The following GALNT17 variants were observed in gnomAD, a reference collection of about 807,000 sequenced individuals.
GALNT17 encodes the protein polypeptide N-acetylgalactosaminyltransferase 17.
A neutral mutation model predicts 63.7 loss-of-function variants in GALNT17; 29 were observed. The observed-to-expected ratio is 0.46, with a 90% CI of 0.34 to 0.62. The LOEUF is 0.62. Ranked by LOEUF, GALNT17 falls within the 20% of genes least tolerant of loss-of-function variation. GALNT17 has a pLI of 0.01. For synonymous variants in GALNT17, 305 were observed against 318.3 expected (o/e 0.96, Z 0.45); for missense variants, 603 against 799.6 (o/e 0.75, Z 2.97).
At chr7:71,545,406 G>A (rs11764360) in intron 5 of GALNT17, among the ~76,000 whole-genome samples, 1 of 152,190 alleles carries the variant, frequency 6.6e-6, no homozygotes, top group East Asian at 1.9e-4. Flanking sequence ...AGGCTGGAGT[G>A]CAATGGCATG....
chr7:71,373,833 C>T lies in GALNT17; in HGVS notation c.423-14402C>T, dbSNP rs144655705. ...CCCTGCTGCCAAAAATGTTGGGGGC[C>T]GTTGCTCTATACTGTCTCCCAATGA... On this transcript the variant is annotated intron_variant, in intron 2 of 10. Coordinates refer to ENST00000333538, the MANE Select transcript of GALNT17 (RefSeq NM_022479.3). Among the ~76,000 whole-genome samples the T allele has an allele frequency of 9.9e-4, 151 of 152,212 alleles. 1 individual carries two copies. Among genetic ancestry groups the T allele is most frequent in the African/African-American group, 3.5e-3 (147 of 41,536 alleles).
intron 5 of GALNT17, among the ~76,000 whole-genome samples, chr7:71,471,353 C>T (rs1225908921): frequency 2.8e-5 from 4 of 141,724 alleles, no homozygotes; most frequent in Non-Finnish European, 6.0e-5. Context: ...GCTGAGATTA[C>T]AGGCAGGAGC....
intron 6 of GALNT17, among the ~76,000 whole-genome samples, chr7:71,577,636 A>C (rs1271310095): frequency 1.3e-5 from 2 of 152,152 alleles, no homozygotes; most frequent in African/African-American, 4.8e-5. Flanking sequence ...TCAGACTCTG[A>C]GTCCGTGTTG....
intron 6 of GALNT17, among the ~76,000 whole-genome samples, chr7:71,635,647 G>A (rs944724493): frequency 2.0e-5 from 3 of 152,168 alleles, no homozygotes; most frequent in Non-Finnish European, 2.9e-5. Flanking sequence ...AATTCAGGGC[G>A]AGTCCATAGA....
intron 5 of GALNT17, among the ~76,000 whole-genome samples, chr7:71,512,999 A>G (rs750052746): frequency 3.3e-5 from 5 of 152,220 alleles, no homozygotes; most frequent in Non-Finnish European, 7.3e-5. Flanking sequence ...TTTCTGTGCA[A>G]TTAAAACACA....
chr7:71,146,940 C>G (rs1443899786), intron 1 of GALNT17, among the ~76,000 whole-genome samples: 2 of 152,092 alleles, frequency 1.3e-5, no homozygotes, highest in Admixed American at 1.3e-4. Flanking sequence ...GCCTCGGACA[C>G]AAGGGAGGCT....
At chr7:71,682,445 T>C (rs531014598) in intron 9 of GALNT17, among the ~76,000 whole-genome samples, 5 of 152,286 alleles carry the variant, frequency 3.3e-5, no homozygotes, top group African/African-American at 1.2e-4. Context: ...TATTCCTCTA[T>C]AGCCCCTCCC....
chr7:71,253,052 G>C (rs1026053348), intron 1 of GALNT17, among the ~76,000 whole-genome samples: 3 of 152,290 alleles, frequency 2.0e-5, no homozygotes, highest in Admixed American at 1.3e-4. Context: ...ACTTGAAATT[G>C]ACTATTCTTC....
intron 1 of GALNT17, among the ~76,000 whole-genome samples, chr7:71,217,801 G>C (rs1318500783): frequency 6.6e-6 from 1 of 152,016 alleles, no homozygotes; most frequent in East Asian, 1.9e-4. Flanking sequence ...GGTAGCAGGT[G>C]CCTGTAGTCC....
intron 1 of GALNT17, among the ~76,000 whole-genome samples, chr7:71,239,482 T>G (rs967563695): frequency 3.9e-5 from 6 of 152,076 alleles, no homozygotes; most frequent in African/African-American, 9.7e-5. Flanking sequence ...GAAAAAGAAA[T>G]AAATAAATGA....
intron 1 of GALNT17, among the ~76,000 whole-genome samples, chr7:71,246,004 C>T (rs1195065207): frequency 6.6e-6 from 1 of 151,578 alleles, no homozygotes. Context: ...ATATTTCATA[C>T]CTCTGAACTA....
chr7:71,425,787 G>A lies in GALNT17; in HGVS notation c.962+4682G>A, dbSNP rs550252184. Among the ~76,000 whole-genome samples, 12 of 152,252 alleles carry A rather than the reference G, an allele frequency of 7.9e-5. No homozygotes were observed. The East Asian group carries it at 2.3e-3, about 29-fold the overall frequency. The stretch of plus-strand genomic sequence containing the variant: ...ATGTATTGTGGGTGCCATGGAGGAT[G>A]TATTAGTTCTTGCCCTGCTGTAAAG... On this transcript the variant is annotated intron_variant, in intron 5 of 10. Coordinates refer to ENST00000333538, the MANE Select transcript of GALNT17 (RefSeq NM_022479.3).
At chr7:71,496,107 C>G (rs138837636) in intron 5 of GALNT17, among the ~76,000 whole-genome samples, 2 of 152,214 alleles carry the variant, frequency 1.3e-5, no homozygotes, top group Non-Finnish European at 2.9e-5. Context: ...TACAGATGGT[C>G]GAGACTTAGA....
intron 2 of GALNT17, among the ~76,000 whole-genome samples, chr7:71,347,655 C>T (rs539264087): frequency 8.4e-4 from 128 of 152,176 alleles, no homozygotes; most frequent in African/African-American, 3.0e-3. Flanking sequence ...CCAGAGGGTC[C>T]AGCCTGAGAC....
chr7:71,216,995 G>T (rs1424744788), intron 1 of GALNT17, among the ~76,000 whole-genome samples: 1 of 152,056 alleles, frequency 6.6e-6, no homozygotes, highest in Non-Finnish European at 1.5e-5. Context: ...ACAGGGTCTT[G>T]CCCTGTTGTT....
chr7:71,315,492 A>G (rs985505036), intron 1 of GALNT17, among the ~76,000 whole-genome samples: 4 of 152,196 alleles, frequency 2.6e-5, no homozygotes, highest in African/African-American at 9.6e-5. Context: ...TCCCATCAAC[A>G]ATGTACAAGA....
chr7:71,592,563 CTAAAATAAAA>C lies in GALNT17; in HGVS notation c.1080+21196_1080+21205del, dbSNP rs71089963. ...AAATAAAATAGCATAGCATAGCATACTAAAATAAAATAAAATAAAATAAAATAAAATAAAA... is the reference window on the plus strand; with the variant it reads ...AAATAAAATAGCATAGCATAGCATACTAAAATAAAATAAAATAAAATAAAA... On this transcript the variant is annotated intron_variant, in intron 6 of 10. Transcript: ENST00000333538. 5.1e-3 allele frequency among the ~76,000 whole-genome samples: 359 copies of C among 69,960 alleles called. 8 individuals carry two copies. Among genetic ancestry groups the C allele is most frequent in the African/African-American group, 9.3e-3 (197 of 21,146 alleles). 45.9% of individuals were successfully genotyped at this position (69,960 alleles called of 152,430 possible). A position where few individuals can be genotyped will look rare whatever the true frequency, so the allele number is the denominator to read the frequency against.
At chr7:71,684,188 G>T (rs573425581) in intron 9 of GALNT17, among the ~76,000 whole-genome samples, 37 of 152,234 alleles carry the variant, frequency 2.4e-4, no homozygotes, top group South Asian at 1.7e-3. Flanking sequence ...AGCAACCACA[G>T]TGAAACCAGA....
chr7:71,571,280 C>T lies in GALNT17; in HGVS notation c.963-5C>T. ...ATGAGCTTCCCTTCTTTCTCCCTCC[C>T]TCAGGACCCCAGCCATGATAGGCTG... On this transcript the variant is annotated splice_region_variant and splice_polypyrimidine_tract_variant and intron_variant, in intron 5 of 10. Coordinates refer to ENST00000333538, the MANE Select transcript of GALNT17 (RefSeq NM_022479.3). The T allele has an allele frequency of 2.5e-6, 4 of 1,613,786 alleles. No individual in the cohort carries two copies. The highest frequency in any genetic ancestry group is 1.7e-5 in the Admixed American group (1 of 60,014).
Sources: allele counts gnomAD v4.1 joint callset (sites outside exome capture counted in the v4.1 genomes callset), GRCh38; gene constraint gnomAD v4.1.1; transcripts MANE v1.5; gene names NCBI Gene and HGNC (gene_info 2026-07-23, HGNC 2026-07-21).